The following SLC5A4 variants were observed in gnomAD, a reference collection of about 807,000 sequenced individuals.
The protein encoded by SLC5A4 is probable glucose sensor protein SLC5A4.
In SLC5A4, 55 loss-of-function variants were observed where a neutral mutation model predicts 70.3. The observed-to-expected ratio is 0.78, with a 90% CI of 0.63 to 0.98. The LOEUF (loss-of-function observed/expected upper bound fraction) is 0.98, where lower values mean the gene tolerates loss of function less well. Among genes scored for constraint, SLC5A4 ranks in the 50% least tolerant of loss-of-function variants. The probability of loss-of-function intolerance (pLI) is 0.00; values close to 1 mark genes in which losing one functional copy is unlikely to be tolerated. For synonymous variants in SLC5A4, 268 were observed against 305.7 expected (o/e 0.88, Z 1.29); for missense variants, 735 against 839.2 (o/e 0.88, Z 1.53).
At chr22:32,226,764 C>T (rs1250558245) in intron 11 of SLC5A4, among the ~76,000 whole-genome samples, 1 of 152,122 alleles carries the variant, frequency 6.6e-6, no homozygotes, top group Non-Finnish European at 1.5e-5. Context: ...GAATAAAATC[C>T]CGTCTTGTTA....
chr22:32,305,627 C>T, the SLC5A4 span, among the ~76,000 whole-genome samples: 2 of 146,660 alleles, frequency 1.4e-5, no homozygotes, highest in South Asian at 2.2e-4. Context: ...CCTGTCCCTT[C>T]TCCTGCTGGC....
the SLC5A4 span, chr22:32,270,439 G>A: frequency 5.6e-6 from 7 of 1,239,436 alleles, no homozygotes; most frequent in East Asian, 2.3e-5. Context: ...GGTGCCTAAG[G>A]AGGAGAAAGA....
the SLC5A4 span, among the ~76,000 whole-genome samples, chr22:32,318,562 C>A: frequency 1.3e-5 from 2 of 152,144 alleles, no homozygotes; most frequent in African/African-American, 2.4e-5. Context: ...AGGAGCAAAT[C>A]CCATTGGCCC....
chr22:32,297,099 A>G, the SLC5A4 span, among the ~76,000 whole-genome samples: 1 of 151,788 alleles, frequency 6.6e-6, no homozygotes, highest in Non-Finnish European at 1.5e-5. Flanking sequence ...CATCAAGGAT[A>G]TTGGTCTAAA....
At chr22:32,265,872 A>G in the SLC5A4 span, among the ~76,000 whole-genome samples, 4 of 151,968 alleles carry the variant, frequency 2.6e-5, no homozygotes, top group African/African-American at 9.7e-5. Flanking sequence ...AACAAACAGA[A>G]CAAAATGTAG....
chr22:32,326,415 C>A, the SLC5A4 span, among the ~76,000 whole-genome samples: 1 of 152,164 alleles, frequency 6.6e-6, no homozygotes, highest in South Asian at 2.1e-4. Context: ...CAACACCATG[C>A]CCAGCTAGTT....
chr22:32,328,869 T>C, the SLC5A4 span, among the ~76,000 whole-genome samples: 4 of 152,222 alleles, frequency 2.6e-5, no homozygotes, highest in African/African-American at 9.6e-5. Context: ...CCCTCTACTC[T>C]ACCCTCAGGG....
At chr22:32,337,691 C>A in the SLC5A4 span, among the ~76,000 whole-genome samples, 3 of 152,134 alleles carry the variant, frequency 2.0e-5, no homozygotes, top group Admixed American at 6.5e-5. Context: ...AACCTGTTCT[C>A]CAGAGGGAGA....
chr22:32,323,848 A>T, the SLC5A4 span, among the ~76,000 whole-genome samples: 1 of 152,180 alleles, frequency 6.6e-6, no homozygotes, highest in South Asian at 2.1e-4. Context: ...CTTCTGGGAT[A>T]AGGGTGGCAG....
chr22:32,323,578 C>T, the SLC5A4 span, among the ~76,000 whole-genome samples: 5 of 152,182 alleles, frequency 3.3e-5, no homozygotes, highest in African/African-American at 4.8e-5. Flanking sequence ...TCTGCAGGCA[C>T]GGACGGTGCC....
chr22:32,305,743 T>C, the SLC5A4 span, among the ~76,000 whole-genome samples: 1 of 129,512 alleles, frequency 7.7e-6, no homozygotes, highest in Non-Finnish European at 1.6e-5. Context: ...GGTTACTCTG[T>C]CCCCTTGCCT....
rs1435346594 is a variant in SLC5A4, at chr22:32,219,119, A to G, written c.1769-394T>C. Among the ~76,000 whole-genome samples, 5 of 152,234 alleles carry G rather than the reference A, an allele frequency of 3.3e-5. No homozygotes were observed. The East Asian group carries it at 9.6e-4, about 29-fold the overall frequency. On this transcript the variant is annotated intron_variant, in intron 14 of 14. Coordinates refer to ENST00000266086, the MANE Select transcript of SLC5A4 (RefSeq NM_014227.3). ...TTCTCAAGCTCACTCAAAAAAGAGAAATGTAAACTAAACCTATACCACTTT... is the reference window on the plus strand; with the variant it reads ...TTCTCAAGCTCACTCAAAAAAGAGAGATGTAAACTAAACCTATACCACTTT...
the SLC5A4 span, among the ~76,000 whole-genome samples, chr22:32,291,867 T>TA: frequency 8.7e-6 from 1 of 114,584 alleles, no homozygotes; most frequent in South Asian, 2.7e-4. Flanking sequence ...TAATTTATTT[T>TA]TCTTTTCTAT....
chr22:32,330,782 G>GGT, the SLC5A4 span, among the ~76,000 whole-genome samples: 26 of 118,268 alleles, frequency 2.2e-4, no homozygotes, highest in South Asian at 3.2e-4. Flanking sequence ...TGGGGGCTCT[G>GGT]GTGTGTGTGT....
the SLC5A4 span, chr22:32,273,455 T>C: frequency 2.5e-5 from 4 of 162,518 alleles, no homozygotes; most frequent in African/African-American, 9.6e-5. Context: ...GAAATGCTCA[T>C]GAGAAAACAC....
At chr22:32,323,859 C>CA in the SLC5A4 span, among the ~76,000 whole-genome samples, 9 of 152,234 alleles carry the variant, frequency 5.9e-5, no homozygotes, top group Admixed American at 3.3e-4. Context: ...AGGGTGGCAG[C>CA]AGCCATGCCC....
chr22:32,318,279 C>T, the SLC5A4 span, among the ~76,000 whole-genome samples: 1 of 151,858 alleles, frequency 6.6e-6, no homozygotes, highest in African/African-American at 2.4e-5. Context: ...GTCACCCAGG[C>T]TGGAGATACG....
the SLC5A4 span, among the ~76,000 whole-genome samples, chr22:32,349,529 CA>C: frequency 6.6e-6 from 1 of 152,178 alleles, no homozygotes; most frequent in African/African-American, 2.4e-5. Flanking sequence ...AAGCACTTAG[CA>C]AATTTAACCT....
the SLC5A4 span, among the ~76,000 whole-genome samples, chr22:32,339,957 C>T: frequency 6.6e-6 from 1 of 152,238 alleles, no homozygotes; most frequent in South Asian, 2.1e-4. Flanking sequence ...AGAGAACCCA[C>T]AACCACAGGG....
Sources: gnomAD v4.1 joint callset for allele counts (sites outside exome capture counted in the v4.1 genomes callset) on GRCh38, gnomAD v4.1.1 for gene constraint, MANE v1.5 for transcripts, NCBI Gene and HGNC (gene_info 2026-07-23, HGNC 2026-07-21) for gene names.